The following THSD7A variants were observed in gnomAD, a reference collection of about 807,000 sequenced individuals.
THSD7A encodes the protein thrombospondin type 1 domain containing 7A.
A neutral mutation model predicts 231.3 loss-of-function variants in THSD7A; 96 were observed. The ratio of observed to expected loss-of-function variants is 0.41; its 90% CI spans 0.35 to 0.49. THSD7A has a LOEUF of 0.49. Among genes scored for constraint, THSD7A ranks in the 20% least tolerant of loss-of-function variants. THSD7A has a pLI of 0.05. For synonymous variants in THSD7A, 940 were observed against 743.3 expected (o/e 1.26, Z -4.30); for missense variants, 2,290 against 2,070.2 (o/e 1.11, Z -2.06).
intron 2 of THSD7A, among the ~76,000 whole-genome samples, chr7:11,595,021 A>G (rs1322172132): frequency 1.3e-5 from 2 of 152,214 alleles, no homozygotes; most frequent in African/African-American, 2.4e-5. Flanking sequence ...CCCCATCCCC[A>G]GTAGTGACAA....
At chr7:11,599,909 GA>G (rs1780492726) in intron 2 of THSD7A, among the ~76,000 whole-genome samples, 1 of 151,952 alleles carries the variant, frequency 6.6e-6, no homozygotes, top group Non-Finnish European at 1.5e-5. Flanking sequence ...AGTGAGTCTA[GA>G]ATATAAAGCA....
intron 1 of THSD7A, among the ~76,000 whole-genome samples, chr7:11,649,781 T>C (rs567220583): frequency 3.9e-5 from 6 of 152,194 alleles, no homozygotes; most frequent in African/African-American, 1.4e-4. Flanking sequence ...AACTGGGTGA[T>C]CTAGCTAAGA....
At chr7:11,739,599 T>A (rs1198551260) in intron 1 of THSD7A, among the ~76,000 whole-genome samples, 2 of 151,876 alleles carry the variant, frequency 1.3e-5, no homozygotes, top group Admixed American at 6.6e-5. Context: ...TATTTTTTTT[T>A]ATAGAAAGAG....
chr7:11,795,611 T>C (rs1444442672), intron 1 of THSD7A, among the ~76,000 whole-genome samples: 2 of 152,068 alleles, frequency 1.3e-5, no homozygotes, highest in Admixed American at 6.6e-5. Context: ...TATTTACTTA[T>C]AATTCAAACA....
intron 15 of THSD7A, 127 bp from the exon 16 acceptor site, chr7:11,424,956 T>C: frequency 1.7e-6 from 2 of 1,153,668 alleles, no homozygotes. Flanking sequence ...CTGCTTATTA[T>C]TCTAACATTG....
intron 2 of THSD7A, among the ~76,000 whole-genome samples, chr7:11,602,863 G>C (rs867450399): frequency 6.6e-6 from 1 of 150,878 alleles, no homozygotes; most frequent in Non-Finnish European, 1.5e-5. Flanking sequence ...GGTTTTTATG[G>C]TTTTAGGTCT....
intron 1 of THSD7A, among the ~76,000 whole-genome samples, chr7:11,710,861 T>G (rs745325642): frequency 6.6e-6 from 1 of 150,972 alleles, no homozygotes; most frequent in Admixed American, 6.6e-5. Context: ...TTCCAGGATC[T>G]AATTACTCCT....
At chr7:11,744,198 A>T (rs1443303938) in intron 1 of THSD7A, among the ~76,000 whole-genome samples, 1 of 151,826 alleles carries the variant, frequency 6.6e-6, no homozygotes, top group Non-Finnish European at 1.5e-5. Flanking sequence ...CTAGAAGGAG[A>T]TCTCTTTTTT....
In THSD7A at chr7:11,516,855, T is replaced by C. The variant is rs745790734; in HGVS notation, c.1822+24564A>G. Among the ~76,000 whole-genome samples the C allele has an allele frequency of 5.9e-5, 9 of 152,190 alleles. No individual in the cohort carries two copies. In the South Asian group the frequency reaches 1.9e-3, roughly 32 times the overall value. ...ACCAATTGTCATGTAATGCCATTAGTATTTTTGGTAAGAAAAGGACATATA... is the reference window on the plus strand; with the variant it reads ...ACCAATTGTCATGTAATGCCATTAGCATTTTTGGTAAGAAAAGGACATATA... On this transcript the variant is annotated intron_variant, in intron 6 of 27. Transcript: ENST00000423059.
At chr7:11,748,172 A>G (rs1782373035) in intron 1 of THSD7A, among the ~76,000 whole-genome samples, 2 of 151,988 alleles carry the variant, frequency 1.3e-5, no homozygotes, top group South Asian at 4.1e-4. Flanking sequence ...GGGCCTGAGT[A>G]TCACAACAGG....
intron 13 of THSD7A, among the ~76,000 whole-genome samples, chr7:11,435,894 G>C (rs559736274): frequency 1.4e-3 from 208 of 152,142 alleles, no homozygotes; most frequent in African/African-American, 4.7e-3. Flanking sequence ...GAGTCTTGTG[G>C]AGTACTGGGC....
At chr7:11,585,689 A>G (rs2128339122) in intron 4 of THSD7A, among the ~76,000 whole-genome samples, 1 of 152,314 alleles carries the variant, frequency 6.6e-6, no homozygotes, top group Middle Eastern at 3.4e-3. Context: ...GTGGGTGGCC[A>G]GAGCCTATTC....
At chr7:11,529,037 G>T (rs1469187656) in intron 6 of THSD7A, among the ~76,000 whole-genome samples, 1 of 152,050 alleles carries the variant, frequency 6.6e-6, no homozygotes, top group Non-Finnish European at 1.5e-5. Flanking sequence ...TCTAAAAACA[G>T]AAAAGTACGA....
chr7:11,508,744 G>T (rs1479874485), intron 6 of THSD7A, among the ~76,000 whole-genome samples: 1 of 152,180 alleles, frequency 6.6e-6, no homozygotes, highest in Non-Finnish European at 1.5e-5. Context: ...TACTCATAGT[G>T]GAATAACATT....
chr7:11,770,286 A>C (rs147278759), intron 1 of THSD7A, among the ~76,000 whole-genome samples: 1 of 152,264 alleles, frequency 6.6e-6, no homozygotes, highest in Admixed American at 6.5e-5. Flanking sequence ...AAGCCAAACC[A>C]AATATTTAGT....
chr7:11,564,186 G>A (rs1196841800), intron 4 of THSD7A, among the ~76,000 whole-genome samples: 1 of 152,212 alleles, frequency 6.6e-6, no homozygotes, highest in Non-Finnish European at 1.5e-5. Context: ...GGTCCAGACT[G>A]AAACCTGAAG....
rs1214644502 is a variant in THSD7A, at chr7:11,822,894, C to T, written c.190+8863G>A. Among the ~76,000 whole-genome samples the T allele has an allele frequency of 2.6e-5, 4 of 151,980 alleles. No homozygotes were observed. In the East Asian group the frequency reaches 7.7e-4, roughly 29 times the overall value. ...TAGTTAGCAAATATTTTCTCCCATT[C>T]TGCAGGTTGTCTGTTCACTCTGTTG... On this transcript the variant is annotated intron_variant, in intron 1 of 27. Coordinates refer to ENST00000423059, the MANE Select transcript of THSD7A (RefSeq NM_015204.3).
At chr7:11,558,592 G>C (rs24) in intron 4 of THSD7A, among the ~76,000 whole-genome samples, 71,814 of 151,816 alleles carry the variant, frequency 0.47, 17,358 homozygotes, top group Middle Eastern at 0.6. Context: ...GAAAATGAAA[G>C]TATTACTATA....
At chr7:11,731,605 T>C (rs929817681) in intron 1 of THSD7A, among the ~76,000 whole-genome samples, 1 of 151,626 alleles carries the variant, frequency 6.6e-6, no homozygotes, top group African/African-American at 2.4e-5. Flanking sequence ...GTGTATTTTA[T>C]ATCATGTGTG....
Sources: gnomAD v4.1 joint callset for allele counts (sites outside exome capture counted in the v4.1 genomes callset) on GRCh38, gnomAD v4.1.1 for gene constraint, MANE v1.5 for transcripts, NCBI Gene and HGNC (gene_info 2026-07-23, HGNC 2026-07-21) for gene names.